MARCHF8: variants seen among roughly 807,000 people sequenced by gnomAD.
MARCHF8 encodes the protein E3 ubiquitin-protein ligase MARCHF8.
Under a neutral mutation model 51.6 loss-of-function variants are expected in MARCHF8, and 40 were observed. That is an observed-to-expected ratio of 0.77 (90% CI 0.60 to 1.01). The LOEUF is 1.01. Ranked by LOEUF, MARCHF8 falls within the 50% of genes least tolerant of loss-of-function variation. MARCHF8 has a pLI of 0.00. For missense variants in MARCHF8, 685 were observed against 708.6 expected, an observed-to-expected ratio of 0.97 and a Z score of 0.38; for synonymous variants, 263 against 280.3, an observed-to-expected ratio of 0.94 and a Z score of 0.62.
intron 1 of MARCHF8, among the ~76,000 whole-genome samples, chr10:45,591,469 A>G (rs890550183): frequency 7.1e-6 from 1 of 140,034 alleles, no homozygotes; most frequent in Admixed American, 7.3e-5. Context: ...CTCTGTCTCA[A>G]AAAAAAAAAA....
chr10:45,588,794 C>T (rs1443841184), intron 1 of MARCHF8, among the ~76,000 whole-genome samples: 2 of 151,830 alleles, frequency 1.3e-5, no homozygotes, highest in Admixed American at 1.3e-4. Flanking sequence ...GTCAAGAGAT[C>T]GAGACCATCC....
chr10:45,505,182 T>C (rs2043357395), intron 2 of MARCHF8, among the ~76,000 whole-genome samples: 1 of 152,184 alleles, frequency 6.6e-6, no homozygotes, highest in African/African-American at 2.4e-5. Context: ...ATGGCTCAGT[T>C]TGTCCCTATC....
intron 2 of MARCHF8, among the ~76,000 whole-genome samples, chr10:45,499,504 T>C (rs1295785115): frequency 1.3e-5 from 2 of 152,198 alleles, no homozygotes; most frequent in African/African-American, 4.8e-5. Flanking sequence ...CAAAAAATTT[T>C]TGCCAAATCC....
rs139616946 is a variant in MARCHF8 at position 45,591,364 on chromosome 10, T to C, written c.-79+2871A>G. On this transcript the variant is annotated intron_variant, in intron 1 of 6. Coordinates refer to the MARCHF8 transcript ENST00000319836. ...CCCATAGTCCTAGCTACTTGGGAGGTTGAGGCAGGAGAATTGCTTCAACCC... is the reference window on the plus strand; with the variant it reads ...CCCATAGTCCTAGCTACTTGGGAGGCTGAGGCAGGAGAATTGCTTCAACCC... 5.5e-4 allele frequency among the ~76,000 whole-genome samples: 82 copies of C among 148,628 alleles called. 1 individual carries two copies. Among genetic ancestry groups the C allele is most frequent in the East Asian group, 2.0e-4 (1 of 5,050 alleles).
chr10:45,469,661 C>G (rs1012385274), intron 3 of MARCHF8, among the ~76,000 whole-genome samples: 5 of 151,740 alleles, frequency 3.3e-5, no homozygotes, highest in African/African-American at 9.7e-5. Context: ...GTCAGGAGAT[C>G]GAGACCATCC....
intron 2 of MARCHF8, among the ~76,000 whole-genome samples, chr10:45,532,434 T>C (rs933677573): frequency 2.0e-5 from 3 of 152,174 alleles, no homozygotes; most frequent in Admixed American, 6.5e-5. Context: ...AGAACTCTAA[T>C]CCATAATGTA....
intron 2 of MARCHF8, among the ~76,000 whole-genome samples, chr10:45,524,834 C>T (rs563428503): frequency 6.6e-6 from 1 of 152,206 alleles, no homozygotes; most frequent in East Asian, 1.9e-4. Context: ...AAACAACCGC[C>T]TTTCGAAGTA....
chr10:45,458,110 A>G lies in MARCHF8; in HGVS notation c.*129T>C. 1 of 997,664 alleles carries G rather than the reference A, an allele frequency of 1.0e-6. No individual in the cohort carries two copies. Among genetic ancestry groups the G allele is most frequent in the Admixed American group, 3.1e-5 (1 of 32,726 alleles). The allele number at this position is 997,664 out of a possible 1,614,324, so 61.8% of individuals were successfully genotyped here. On this transcript the variant is annotated 3_prime_UTR_variant, in exon 8 of 8. Transcript: ENST00000453424. ...GAGACTAAGGAGGGTTTAGAAAAAG[A>G]GAAGCCACTATAAATAGTCACCTGT...
chr10:45,485,885 G>A (rs2042970207), intron 3 of MARCHF8, among the ~76,000 whole-genome samples: 1 of 152,142 alleles, frequency 6.6e-6, no homozygotes, highest in South Asian at 2.1e-4. Flanking sequence ...TTAATCTCAA[G>A]AGTATGTCTG....
intron 1 of MARCHF8, among the ~76,000 whole-genome samples, chr10:45,578,651 A>G (rs984159923): frequency 6.6e-6 from 1 of 152,230 alleles, no homozygotes; most frequent in African/African-American, 2.4e-5. Context: ...GTATCATGGC[A>G]GTAGAGAAAT....
At chr10:45,502,435 G>A (rs997166337) in intron 2 of MARCHF8, among the ~76,000 whole-genome samples, 4 of 152,172 alleles carry the variant, frequency 2.6e-5, no homozygotes, top group African/African-American at 9.7e-5. Context: ...CCCAAGTTTG[G>A]AGAAGGACAT....
intron 2 of MARCHF8, among the ~76,000 whole-genome samples, chr10:45,521,774 T>A (rs2043710509): frequency 6.6e-6 from 1 of 152,324 alleles, no homozygotes; most frequent in South Asian, 2.1e-4. Flanking sequence ...AACTTTTGAT[T>A]TGAAAAACTT....
Position 45,464,228 on chromosome 10 carries a change from CA to C in MARCHF8, c.242+10del. 1 of 1,612,994 alleles carries C rather than the reference CA, an allele frequency of 6.2e-7. No individual in the cohort carries two copies. Among genetic ancestry groups the C allele is most frequent in the Non-Finnish European group, 8.5e-7 (1 of 1,178,976 alleles). On this transcript the variant is annotated intron_variant, in intron 4 of 7. Coordinates refer to ENST00000453424, the MANE Select transcript of MARCHF8 (RefSeq NM_001282866.2). Reference sequence around the variant, plus strand: ...ACACTGATCATGGCAGCATCTGAAGCAGAGTGTTACCTGCAGATGTCCTGGC... The same window carrying C: ...ACACTGATCATGGCAGCATCTGAAGCGAGTGTTACCTGCAGATGTCCTGGC...
chr10:45,573,616 A>G (rs1427727080), intron 1 of MARCHF8, among the ~76,000 whole-genome samples: 1 of 152,176 alleles, frequency 6.6e-6, no homozygotes, highest in Non-Finnish European at 1.5e-5. Flanking sequence ...GAGCCCCTGG[A>G]ACTCCGGCCC....
At chr10:45,504,530 A>G (rs2043344716) in intron 2 of MARCHF8, among the ~76,000 whole-genome samples, 2 of 152,252 alleles carry the variant, frequency 1.3e-5, no homozygotes, top group East Asian at 1.9e-4. Context: ...TTTTTTCTGT[A>G]TAAGCTAATC....
chr10:45,545,711 T>C (rs2044111214), intron 1 of MARCHF8, among the ~76,000 whole-genome samples: 1 of 152,216 alleles, frequency 6.6e-6, no homozygotes, highest in Admixed American at 6.5e-5. Flanking sequence ...AAAAACGCAA[T>C]GCTGGATAGA....
chr10:45,500,997 G>A (rs2133141674), intron 2 of MARCHF8, among the ~76,000 whole-genome samples: 1 of 152,006 alleles, frequency 6.6e-6, no homozygotes, highest in South Asian at 2.1e-4. Flanking sequence ...GATTGCTGAT[G>A]CTGCAAAAAA....
At chr10:45,492,070 A>T (rs2043090522) in intron 2 of MARCHF8, among the ~76,000 whole-genome samples, 1 of 152,244 alleles carries the variant, frequency 6.6e-6, no homozygotes, top group African/African-American at 2.4e-5. Context: ...TGATAATGCA[A>T]GCTTTTATTT....
chr10:45,565,378 C>T (rs1053921826), intron 1 of MARCHF8, among the ~76,000 whole-genome samples: 2 of 151,950 alleles, frequency 1.3e-5, no homozygotes, highest in African/African-American at 4.8e-5. Context: ...ATACAGTGTG[C>T]CAAGATTGTG....
Sources: gnomAD v4.1 joint callset for allele counts (sites outside exome capture counted in the v4.1 genomes callset) on GRCh38, gnomAD v4.1.1 for gene constraint, MANE v1.5 for transcripts, NCBI Gene and HGNC (gene_info 2026-07-23, HGNC 2026-07-21) for gene names.